Variants in CC2D2A observed in about 807,000 individuals in gnomAD.
CC2D2A encodes the protein coiled-coil and C2 domain-containing protein 2A.
A neutral mutation model predicts 212.9 loss-of-function variants in CC2D2A; 155 were observed. The ratio of observed to expected loss-of-function variants is 0.73; its 90% CI spans 0.64 to 0.83. CC2D2A has a LOEUF of 0.83. CC2D2A is among the 40% of genes least tolerant of loss of function. CC2D2A has a pLI of 0.00. For missense variants in CC2D2A, 1,856 were observed against 1,956.2 expected, an observed-to-expected ratio of 0.95 and a Z score of 0.97; for synonymous variants, 667 against 686.5, an observed-to-expected ratio of 0.97 and a Z score of 0.44.
At chr4:15,510,972 C>T (rs974748989) in intron 7 of CC2D2A, among the ~76,000 whole-genome samples, 2 of 152,176 alleles carry the variant, frequency 1.3e-5, no homozygotes, top group African/African-American at 4.8e-5. Context: ...AAAGTGTTTA[C>T]TGCTATAAAT....
intron 24 of CC2D2A, among the ~76,000 whole-genome samples, chr4:15,565,431 T>A (rs1418383852): frequency 6.6e-6 from 1 of 150,918 alleles, no homozygotes; most frequent in Non-Finnish European, 1.5e-5. Flanking sequence ...CTCACTGTTC[T>A]AATACAGCCT....
At chr4:15,549,245 G>A (rs1011075279) in intron 17 of CC2D2A, among the ~76,000 whole-genome samples, 5 of 152,124 alleles carry the variant, frequency 3.3e-5, no homozygotes, top group Non-Finnish European at 7.4e-5. Context: ...AGACTTTTTA[G>A]TATAGATCAA....
intron 33 of CC2D2A, among the ~76,000 whole-genome samples, chr4:15,593,254 C>A (rs943518724): frequency 6.6e-6 from 1 of 152,180 alleles, no homozygotes; most frequent in African/African-American, 2.4e-5. Flanking sequence ...TCTGAACATT[C>A]CCTACTCTAT....
intron 13 of CC2D2A, among the ~76,000 whole-genome samples, chr4:15,532,479 T>A (rs1478534337): frequency 1.3e-5 from 2 of 152,150 alleles, no homozygotes; most frequent in Admixed American, 1.3e-4. Context: ...TATGTGTCCG[T>A]CCCCTGAGCT....
At chr4:15,570,057 G>A (rs571114869) in intron 27 of CC2D2A, among the ~76,000 whole-genome samples, 3 of 152,218 alleles carry the variant, frequency 2.0e-5, no homozygotes, top group Non-Finnish European at 4.4e-5. Flanking sequence ...AATGGGGACA[G>A]GGGAGAGGGA....
At chr4:15,543,030 C>T (rs1339810274) in intron 17 of CC2D2A, among the ~76,000 whole-genome samples, 1 of 152,158 alleles carries the variant, frequency 6.6e-6, no homozygotes, top group African/African-American at 2.4e-5. Context: ...CGGCACTGGG[C>T]ACCCAAGGTC....
intron 30 of CC2D2A, among the ~76,000 whole-genome samples, chr4:15,585,928 CTT>C (rs1323469612): frequency 6.6e-6 from 1 of 152,112 alleles, no homozygotes; most frequent in East Asian, 1.9e-4. Flanking sequence ...TTAAAAAAGA[CTT>C]GTCAAAGGGA....
chr4:15,481,919 TGCCA>T, intron 4 of CC2D2A: 1 of 985,382 alleles, frequency 1.0e-6, no homozygotes, highest in Non-Finnish European at 1.2e-6. Context: ...CTGGTGACCT[TGCCA>T]TTGAGGACAC....
rs566721631 is a variant in CC2D2A at position 15,578,787 on chromosome 4, G to GGTTT, written c.3772-1152_3772-1149dup. ...ACTACAAGCACGCATCACTACACCTGGTTTGTTTGTTTGTTTGTTTGTTTG... is the reference window on the plus strand; with the variant it reads ...ACTACAAGCACGCATCACTACACCTGGTTTGTTTGTTTGTTTGTTTGTTTGTTTG... On this transcript the variant is annotated intron_variant, in intron 29 of 36. Transcript: ENST00000424120. Among the ~76,000 whole-genome samples the GGTTT allele has an allele frequency of 3.5e-3, 499 of 142,026 alleles. 8 individuals carry two copies. The highest frequency in any genetic ancestry group is 0.016 in the Admixed American group (221 of 14,248). The allele number at this position is 142,026 out of a possible 152,430, so 93.2% of individuals were successfully genotyped here.
intron 4 of CC2D2A, among the ~76,000 whole-genome samples, chr4:15,495,003 C>T (rs1280275447): frequency 6.6e-6 from 1 of 152,142 alleles, no homozygotes; most frequent in East Asian, 1.9e-4. Context: ...GTTTGGTATA[C>T]AGATCATTTT....
At position 15,589,658 on chromosome 4, in the gene CC2D2A, C is replaced by A; in HGVS notation, c.4293C>A (p.Gly1431=). 2 of 1,596,178 alleles carry A rather than the reference C, an allele frequency of 1.3e-6. No individual in the cohort carries two copies. The highest frequency in any genetic ancestry group is 1.7e-6 in the Non-Finnish European group (2 of 1,169,854). Reference sequence around the variant, plus strand: ...CATTCTGTCCCTTGAAAAATGTGGGCTGTTTAATAGGTCCTGACAATGTAA... The same window carrying A: ...CATTCTGTCCCTTGAAAAATGTGGGATGTTTAATAGGTCCTGACAATGTAA... The part of the protein sequence containing the change: ...FDTFCPLKNV[G]CLIGPDNIWF... The change falls in exon 33 of 37, where the codon GGC becomes GGA. Residue 1431 remains glycine (G), a synonymous_variant. Transcript: ENST00000424120.
chr4:15,558,702 A>C lies in CC2D2A; in HGVS notation c.2830-463A>C, dbSNP rs145397003. ...TAGCAGTTCCCAGGGCACACACATA[A>C]TTTTGTTGACAGAAAAGGGGAGAGG... On this transcript the variant is annotated intron_variant, in intron 21 of 36. Coordinates refer to ENST00000424120, the MANE Select transcript of CC2D2A (RefSeq NM_001378615.1). 1.3e-3 allele frequency among the ~76,000 whole-genome samples: 201 copies of C among 152,134 alleles called. 2 individuals carry two copies. Among genetic ancestry groups the C allele is most frequent in the African/African-American group, 4.6e-3 (191 of 41,468 alleles).
Position 15,533,305 on chromosome 4 carries a change from A to G in CC2D2A, c.1579A>G (p.Asn527Asp). 6.3e-7 allele frequency: 1 copy of G among 1,584,254 alleles called. No homozygotes were observed. The highest frequency in any genetic ancestry group is 8.6e-7 in the Non-Finnish European group (1 of 1,165,606). Reference sequence around the variant, plus strand: ...CCTTCGAGAGTTCCAGAGATTTACAAATACTCCCTTGAAACTTGTTTTGAG... The same window carrying G: ...CCTTCGAGAGTTCCAGAGATTTACAGATACTCCCTTGAAACTTGTTTTGAG... Reference protein sequence around the residue: ...KSLREFQRFTNTPLKLVLRKE... With the variant: ...KSLREFQRFTDTPLKLVLRKE... The change falls in exon 14 of 37, where the codon AAT becomes GAT. Residue 527 changes from asparagine (N) to aspartate (D), a missense_variant. By Grantham distance (23) the Asn-to-Asp change is conservative. This residue lies in a region of CC2D2A where 1,512 missense variants were observed against 1,579.3 expected (regional missense o/e 0.96). Coordinates refer to ENST00000424120, the MANE Select transcript of CC2D2A (RefSeq NM_001378615.1).
intron 11 of CC2D2A, among the ~76,000 whole-genome samples, chr4:15,525,193 A>C (rs930714016): frequency 6.6e-6 from 1 of 152,210 alleles, no homozygotes; most frequent in African/African-American, 2.4e-5. Context: ...TTGCATTACA[A>C]GTAAATAGAA....
At chr4:15,579,935 T>G in intron 29 of CC2D2A, 33 bp from the exon 30 acceptor site, 1 of 1,542,162 alleles carries the variant, frequency 6.5e-7, no homozygotes. Context: ...CTTGTAATCA[T>G]ACATAAACTC....
rs188759927 is a variant in CC2D2A at position 15,503,272 on chromosome 4, C to A, written c.438+349C>A. Among the ~76,000 whole-genome samples the A allele has an allele frequency of 3.1e-3, 473 of 152,314 alleles. 3 individuals carry two copies. The highest frequency in any genetic ancestry group is 0.011 in the African/African-American group (456 of 41,564). Reference sequence around the variant, plus strand: ...GAGCTATGATTAGGCCACTGCAGTCCTGCCTGGGCAACAGTGAGACCCTAT... The same window carrying A: ...GAGCTATGATTAGGCCACTGCAGTCATGCCTGGGCAACAGTGAGACCCTAT... On this transcript the variant is annotated intron_variant, in intron 6 of 36. Coordinates refer to ENST00000424120, the MANE Select transcript of CC2D2A (RefSeq NM_001378615.1).
At chr4:15,575,975 C>G (rs1365726955) in intron 29 of CC2D2A, among the ~76,000 whole-genome samples, 1 of 152,204 alleles carries the variant, frequency 6.6e-6, no homozygotes, top group Non-Finnish European at 1.5e-5. Context: ...CTAGGCATCC[C>G]TCACGGGCCC....
chr4:15,560,608 A>C lies in CC2D2A; in HGVS notation c.3000A>C (p.Glu1000Asp). 1 of 1,413,914 alleles carries C rather than the reference A, an allele frequency of 7.1e-7. No individual in the cohort carries two copies. Among genetic ancestry groups the C allele is most frequent in the Non-Finnish European group, 9.8e-7 (1 of 1,018,676 alleles). 87.6% of individuals were successfully genotyped at this position (1,413,914 alleles called of 1,614,324 possible). A position where few individuals can be genotyped will look rare whatever the true frequency, so the allele number is the denominator to read the frequency against. Residue 1000 changes from glutamate to aspartate, a missense_variant, in exon 23 of 37, where the codon GAA becomes GAC. Around this residue, in one of 5 missense-constraint regions of CC2D2A, gnomAD observed 1,512 missense variants for 1,579.3 expected, o/e 0.96. Coordinates refer to ENST00000424120, the MANE Select transcript of CC2D2A (RefSeq NM_001378615.1). ...TTGCTGATATGATAGTAGAAGAAGAAGTTCCCAATATCAGGTAAAAATAAT... is the reference window on the plus strand; with the variant it reads ...TTGCTGATATGATAGTAGAAGAAGACGTTCCCAATATCAGGTAAAAATAAT... ...FLLADMIVEE[E>D]VPNISILGLS...
At chr4:15,559,353 T>C in intron 22 of CC2D2A, 96 bp downstream of exon 22, 1 of 735,752 alleles carries the variant, frequency 1.4e-6, no homozygotes, top group Non-Finnish European at 2.3e-6. Context: ...TATGTGAGCT[T>C]ATGCAAGCCA....
Sources: allele counts gnomAD v4.1 joint callset (sites outside exome capture counted in the v4.1 genomes callset), GRCh38; gene constraint gnomAD v4.1.1; regional missense constraint gnomAD v4.1.1; transcripts MANE v1.5; gene names NCBI Gene and HGNC (gene_info 2026-07-23, HGNC 2026-07-21).